USP53: variants seen among roughly 807,000 people sequenced by gnomAD.
The protein encoded by USP53 is ubiquitin carboxyl-terminal hydrolase 53.
Under a neutral mutation model 94.9 loss-of-function variants are expected in USP53, and 71 were observed. That is an observed-to-expected ratio of 0.75 (90% confidence interval 0.62 to 0.91). The LOEUF (loss-of-function observed/expected upper bound fraction) is 0.91. Ranked by LOEUF, USP53 falls within the 40% of genes least tolerant of loss-of-function variation. The pLI is 0.00. For missense variants in USP53, 1,173 were observed against 1,281.0 expected (o/e 0.92, Z 1.29); for synonymous variants, 375 against 422.7 (o/e 0.89, Z 1.39).
At chr4:119,264,704 A>ATCTC (rs1459305669) in intron 12 of USP53, among the ~76,000 whole-genome samples, 9 of 152,236 alleles carry the variant, frequency 5.9e-5, no homozygotes, top group Non-Finnish European at 1.3e-4. Flanking sequence ...GAACAGCTGG[A>ATCTC]TCTCTCACAC....
intron 12 of USP53, chr4:119,266,373 AT>A (rs1470133111): frequency 4.4e-6 from 2 of 455,858 alleles, no homozygotes; most frequent in East Asian, 1.4e-4. Flanking sequence ...TGTCAAATTG[AT>A]TTCCAAAGTG....
intron 7 of USP53, among the ~76,000 whole-genome samples, chr4:119,250,296 CCAGATAACA>C (rs1748794669): frequency 1.3e-5 from 2 of 152,162 alleles, no homozygotes; most frequent in African/African-American, 4.8e-5. Context: ...TCTATGCCTA[CCAGATAACA>C]CATGACCAAA....
intron 10 of USP53, 61 bp from the exon 11 acceptor site, chr4:119,260,446 T>G (rs1750355315): frequency 1.4e-6 from 2 of 1,454,314 alleles, no homozygotes; most frequent in East Asian, 2.4e-5. Flanking sequence ...TAATGCAAAC[T>G]GTGTAAGGCT....
In USP53 at chr4:119,261,942, A is replaced by G; in HGVS notation, c.972+78A>G. Reference sequence around the variant, plus strand: ...TAATAAATGATATATTGATATTAATATTCAAAAGGATGATATAATTAATAT... The same window carrying G: ...TAATAAATGATATATTGATATTAATGTTCAAAAGGATGATATAATTAATAT... On this transcript the variant is annotated intron_variant, in intron 12 of 18. Coordinates refer to ENST00000692078, the MANE Select transcript of USP53 (RefSeq NM_001371395.1). The G allele has an allele frequency of 2.7e-6, 3 of 1,125,656 alleles. No individual in the cohort carries two copies. In the East Asian group the frequency reaches 8.8e-5, roughly 33 times the overall value. The allele number at this position is 1,125,656 out of a possible 1,614,324, so 69.7% of individuals were successfully genotyped here. A position where few individuals can be genotyped will look rare whatever the true frequency, so the allele number is the denominator to read the frequency against.
chr4:119,250,827 C>G (rs1748878795), intron 7 of USP53, among the ~76,000 whole-genome samples: 1 of 151,786 alleles, frequency 6.6e-6, no homozygotes, highest in South Asian at 2.1e-4. Context: ...ATTGCATTGC[C>G]TGCATTATGG....
intron 3 of USP53, among the ~76,000 whole-genome samples, chr4:119,223,658 C>T (rs1185925181): frequency 6.6e-6 from 1 of 152,160 alleles, no homozygotes; most frequent in Non-Finnish European, 1.5e-5. Context: ...TTACCATCCA[C>T]ATTATTTTTC....
At chr4:119,223,293 T>C (rs983661548) in intron 3 of USP53, among the ~76,000 whole-genome samples, 7 of 152,142 alleles carry the variant, frequency 4.6e-5, no homozygotes, top group Non-Finnish European at 8.8e-5. Flanking sequence ...TGTCATTATT[T>C]TGTAAAGTAG....
intron 17 of USP53, among the ~76,000 whole-genome samples, chr4:119,285,934 A>G (rs1754053779): frequency 6.6e-6 from 1 of 151,952 alleles, no homozygotes; most frequent in Non-Finnish European, 1.5e-5. Context: ...TTGTAGCAAA[A>G]TAGCAATATT....
At chr4:119,241,853 G>T (rs530827866) in intron 5 of USP53, among the ~76,000 whole-genome samples, 2 of 152,080 alleles carry the variant, frequency 1.3e-5, no homozygotes, top group African/African-American at 4.8e-5. Context: ...GTTGCCTGAA[G>T]TTTTCCAGTT....
intron 15 of USP53, among the ~76,000 whole-genome samples, chr4:119,270,986 T>C (rs909303321): frequency 1.3e-5 from 2 of 152,172 alleles, no homozygotes; most frequent in Admixed American, 6.5e-5. Flanking sequence ...TCTTTACCAA[T>C]ATAAGAAGTG....
rs116290587 is a variant in USP53, at chr4:119,243,644, A to G, written c.145-1693A>G. ...CAGGGAACTTGAAATAAATCACATA[A>G]AACATTTTATCTGTAGTTTGATCCA... On this transcript the variant is annotated intron_variant, in intron 5 of 18. Coordinates refer to ENST00000692078, the MANE Select transcript of USP53 (RefSeq NM_001371395.1). Among the ~76,000 whole-genome samples the G allele has an allele frequency of 8.4e-3, 1,279 of 152,338 alleles. 16 individuals are homozygous for G. The highest frequency in any genetic ancestry group is 0.029 in the African/African-American group (1,209 of 41,564).
chr4:119,260,572 T>C lies in USP53; in HGVS notation c.741T>C (p.Ile247=), dbSNP rs1369679931. The C allele has an allele frequency of 1.9e-5, 31 of 1,614,066 alleles. No individual in the cohort carries two copies. Among genetic ancestry groups the C allele is most frequent in the Non-Finnish European group, 2.6e-5 (31 of 1,179,944 alleles). The change falls in exon 11 of 19, where the codon ATT becomes ATC. Residue 247 remains isoleucine, a synonymous_variant. Coordinates refer to ENST00000692078, the MANE Select transcript of USP53 (RefSeq NM_001371395.1). ...TGAATTGCCCAGAGATTGTTACAAT[T>C]GGTTTAGTCTGGGACTCCGAGCATT... ...VLMNCPEIVT[I]GLVWDSEHSD... is the part of the protein sequence containing the mutation.
intron 17 of USP53, among the ~76,000 whole-genome samples, chr4:119,281,501 A>G (rs1439896640): frequency 1.3e-5 from 2 of 152,226 alleles, no homozygotes; most frequent in Admixed American, 1.3e-4. Context: ...AAACACTTAT[A>G]TTAAGGAAAT....
At chr4:119,244,472 A>G (rs1380237187) in intron 5 of USP53, among the ~76,000 whole-genome samples, 1 of 152,178 alleles carries the variant, frequency 6.6e-6, no homozygotes, top group Non-Finnish European at 1.5e-5. Context: ...AAATTTGAAG[A>G]TCTTATTTGT....
chr4:119,266,615 A>G (rs1292939129), intron 12 of USP53, among the ~76,000 whole-genome samples: 1 of 151,652 alleles, frequency 6.6e-6, no homozygotes, highest in Admixed American at 6.6e-5. Flanking sequence ...GAAATGTCCA[A>G]TTTTTTGCCA....
At chr4:119,233,364 T>C (rs1746319416) in intron 3 of USP53, among the ~76,000 whole-genome samples, 1 of 152,128 alleles carries the variant, frequency 6.6e-6, no homozygotes, top group Non-Finnish European at 1.5e-5. Flanking sequence ...TTTGGATTCT[T>C]TGAGTTACAC....
At chr4:119,270,863 A>C (rs986717062) in intron 15 of USP53, among the ~76,000 whole-genome samples, 4 of 152,194 alleles carry the variant, frequency 2.6e-5, no homozygotes, top group African/African-American at 9.7e-5. Flanking sequence ...ATTTTGACAG[A>C]TGTGGCTCAG....
intron 17 of USP53, among the ~76,000 whole-genome samples, chr4:119,286,594 C>T (rs1754143120): frequency 6.6e-6 from 1 of 151,858 alleles, no homozygotes; most frequent in African/African-American, 2.4e-5. Flanking sequence ...CCTCCTGCTG[C>T]CCATTGTGTG....
chr4:119,265,437 G>T (rs1292286650), intron 12 of USP53, among the ~76,000 whole-genome samples: 1 of 152,090 alleles, frequency 6.6e-6, no homozygotes, highest in Non-Finnish European at 1.5e-5. Flanking sequence ...TAATCACCCT[G>T]TGAAGTTTTT....
Sources: gnomAD v4.1 joint callset for allele counts (sites outside exome capture counted in the v4.1 genomes callset) on GRCh38, gnomAD v4.1.1 for gene constraint, MANE v1.5 for transcripts, NCBI Gene and HGNC (gene_info 2026-07-23, HGNC 2026-07-21) for gene names.